SSBP3: variants seen among roughly 807,000 people sequenced by gnomAD.
SSBP3 encodes the protein single-stranded DNA-binding protein 3.
In SSBP3, 5 loss-of-function variants were observed where a neutral mutation model predicts 69.6. The ratio of observed to expected loss-of-function variants is 0.07; its 90% CI spans 0.04 to 0.15. The LOEUF (loss-of-function observed/expected upper bound fraction) is 0.15. Ranked by LOEUF, SSBP3 falls within the 10% of genes least tolerant of loss-of-function variation. SSBP3 has a pLI of 1.00. For synonymous variants in SSBP3, 196 were observed against 193.4 expected, an observed-to-expected ratio of 1.01 and a Z score of -0.11; for missense variants, 312 against 534.0, an observed-to-expected ratio of 0.58 and a Z score of 4.10.
intron 5 of SSBP3, among the ~76,000 whole-genome samples, chr1:54,273,754 T>A (rs545943729): frequency 1.3e-5 from 2 of 152,216 alleles, no homozygotes; most frequent in East Asian, 3.9e-4. Flanking sequence ...CACACAGGAA[T>A]TTGGCAGCAG....
chr1:54,253,199 T>A (rs962132166), intron 7 of SSBP3, among the ~76,000 whole-genome samples: 2 of 149,876 alleles, frequency 1.3e-5, no homozygotes, highest in African/African-American at 4.9e-5. Context: ...TTTGTTTTTT[T>A]TTTTTTTTAA....
intron 14 of SSBP3, chr1:54,237,349 A>G (rs1284928603): frequency 6.6e-6 from 1 of 152,258 alleles, no homozygotes; most frequent in Non-Finnish European, 1.5e-5. Flanking sequence ...TCAAGGGAAC[A>G]AGATGATAAT....
chr1:54,409,696 C>G (rs569656984), upstream of SSBP3, among the ~76,000 whole-genome samples: 2 of 152,308 alleles, frequency 1.3e-5, no homozygotes, highest in South Asian at 4.2e-4. Flanking sequence ...ACACATCCAC[C>G]CTGACTCATA....
intron 5 of SSBP3, among the ~76,000 whole-genome samples, chr1:54,261,174 G>A (rs1039511011): frequency 1.3e-5 from 2 of 152,242 alleles, no homozygotes; most frequent in African/African-American, 2.4e-5. Flanking sequence ...ACATAGCCTA[G>A]CAGTCTCACG....
intron 4 of SSBP3, among the ~76,000 whole-genome samples, chr1:54,352,433 C>A (rs1489665907): frequency 6.6e-6 from 1 of 152,178 alleles, no homozygotes; most frequent in Admixed American, 6.5e-5. Context: ...CCATAAAACA[C>A]CCCTGAGGAA....
intron 4 of SSBP3, among the ~76,000 whole-genome samples, chr1:54,328,122 C>T (rs576700767): frequency 2.6e-4 from 39 of 152,262 alleles, no homozygotes; most frequent in Middle Eastern, 3.4e-3. Flanking sequence ...GCCGTCTTGA[C>T]CTCGTACCCA....
At chr1:54,323,443 C>T (rs1271769342) in intron 4 of SSBP3, among the ~76,000 whole-genome samples, 2 of 152,184 alleles carry the variant, frequency 1.3e-5, no homozygotes, top group African/African-American at 2.4e-5. Context: ...GGGCAGGACG[C>T]CAGGCGTCCT....
chr1:54,235,716 C>T (rs897233712), intron 14 of SSBP3, among the ~76,000 whole-genome samples: 2 of 151,558 alleles, frequency 1.3e-5, no homozygotes, highest in Admixed American at 6.6e-5. Context: ...CCAACGTGCT[C>T]GGATTACAGG....
chr1:54,412,262 G>A (rs1482522290), intron 1 of SSBP3, among the ~76,000 whole-genome samples: 2 of 152,102 alleles, frequency 1.3e-5, no homozygotes, highest in Non-Finnish European at 2.9e-5. Flanking sequence ...CCAGGAGGTG[G>A]AGATTGCAGT....
At chr1:54,268,316 G>A (rs1019884685) in intron 5 of SSBP3, among the ~76,000 whole-genome samples, 3 of 152,132 alleles carry the variant, frequency 2.0e-5, no homozygotes, top group East Asian at 1.9e-4. Context: ...CTCCGCCACC[G>A]CTCGCCAGCG....
chr1:54,407,748 GATTTTTTTT>G (rs1437953537), upstream of SSBP3, among the ~76,000 whole-genome samples: 4 of 86,352 alleles, frequency 4.6e-5, no homozygotes, highest in Non-Finnish European at 6.5e-5. Flanking sequence ...AGCCTAGGTT[GATTTTTTTT>G]TTTTTTTTTT....
At chr1:54,278,485 A>G (rs1220541959) in intron 5 of SSBP3, among the ~76,000 whole-genome samples, 2 of 152,148 alleles carry the variant, frequency 1.3e-5, no homozygotes, top group African/African-American at 4.8e-5. Context: ...CTGATGGCCA[A>G]CCCTCATTGT....
intron 4 of SSBP3, among the ~76,000 whole-genome samples, chr1:54,319,251 C>T (rs1465402499): frequency 1.3e-5 from 2 of 152,174 alleles, no homozygotes; most frequent in Admixed American, 6.5e-5. Flanking sequence ...CAAACAGCTT[C>T]TAAATGATGA....
intron 5 of SSBP3, among the ~76,000 whole-genome samples, chr1:54,262,259 G>A (rs928643551): frequency 2.6e-5 from 4 of 152,176 alleles, no homozygotes; most frequent in African/African-American, 9.7e-5. Context: ...TTATTGCCAA[G>A]GAACTGAGGC....
chr1:54,395,236 T>G (rs547695002), intron 4 of SSBP3, among the ~76,000 whole-genome samples: 1 of 152,292 alleles, frequency 6.6e-6, no homozygotes, highest in Admixed American at 6.5e-5. Flanking sequence ...TCCATGCCTC[T>G]CTCAAGGCCG....
At chr1:54,306,388 C>T (rs1413038032) in intron 4 of SSBP3, among the ~76,000 whole-genome samples, 1 of 152,196 alleles carries the variant, frequency 6.6e-6, no homozygotes, top group East Asian at 1.9e-4. Context: ...AGTTTCAGTC[C>T]AGGACACCAG....
At chr1:54,389,056 G>T (rs1648288314) in intron 4 of SSBP3, among the ~76,000 whole-genome samples, 1 of 152,182 alleles carries the variant, frequency 6.6e-6, no homozygotes, top group African/African-American at 2.4e-5. Context: ...AATCGGGTCT[G>T]CCTCAATTGA....
intron 4 of SSBP3, among the ~76,000 whole-genome samples, chr1:54,383,133 G>A (rs1349776222): frequency 6.6e-6 from 1 of 152,138 alleles, no homozygotes; most frequent in African/African-American, 2.4e-5. Context: ...CAGCACTTTG[G>A]GAGGCCGAGG....
intron 4 of SSBP3, among the ~76,000 whole-genome samples, chr1:54,318,328 C>G (rs1646151221): frequency 1.3e-5 from 2 of 152,202 alleles, no homozygotes; most frequent in African/African-American, 2.4e-5. Context: ...TATAGAGATA[C>G]AGCTATACCA....
Sources: gnomAD v4.1 joint callset for allele counts (sites outside exome capture counted in the v4.1 genomes callset) on GRCh38, gnomAD v4.1.1 for gene constraint, MANE v1.5 for transcripts, NCBI Gene and HGNC (gene_info 2026-07-23, HGNC 2026-07-21) for gene names.